SLC14A2: variants seen among roughly 807,000 people sequenced by gnomAD.
SLC14A2 encodes solute carrier family 14 member 2.
In SLC14A2, 91 loss-of-function variants were observed where a neutral mutation model predicts 104.6. That is an observed-to-expected ratio of 0.87 (90% CI 0.73 to 1.04). The LOEUF is 1.04. Ranked by LOEUF, SLC14A2 falls within the 50% of genes least tolerant of loss-of-function variation. The pLI is 0.00. For missense variants in SLC14A2, 1,189 were observed against 1,156.0 expected (o/e 1.03, Z -0.41); for synonymous variants, 476 against 466.4 (o/e 1.02, Z -0.27).
In SLC14A2 at chr18:45,415,229, A is replaced by G. The variant is rs575599967; in HGVS notation, c.-124-68004A>G. ...TAGTTACTCTTTACTGCAGACTAGT[A>G]AAGAAACATGCTTTGGATCAGAATT... On this transcript the variant is annotated intron_variant, in intron 1 of 20. Coordinates refer to the SLC14A2 transcript ENST00000586448. 4.6e-5 allele frequency among the ~76,000 whole-genome samples: 7 copies of G among 152,250 alleles called. No individual in the cohort carries two copies. The South Asian group carries it at 1.2e-3, about 27-fold the overall frequency.
intron 2 of SLC14A2, among the ~76,000 whole-genome samples, chr18:45,550,535 TGC>T (rs1598993397): frequency 6.6e-6 from 1 of 152,338 alleles, no homozygotes; most frequent in East Asian, 1.9e-4. Context: ...CCCCAGAACC[TGC>T]CTGTGTGCCT....
intron 1 of SLC14A2, among the ~76,000 whole-genome samples, chr18:45,326,223 A>G (rs781771298): frequency 6.6e-6 from 1 of 152,200 alleles, no homozygotes; most frequent in African/African-American, 2.4e-5. Context: ...TCCAAAATAT[A>G]CATATGAGTA....
intron 1 of SLC14A2, among the ~76,000 whole-genome samples, chr18:45,350,099 T>C (rs573710314): frequency 2.6e-5 from 4 of 152,226 alleles, no homozygotes; most frequent in Non-Finnish European, 4.4e-5. Flanking sequence ...CACAGACCCT[T>C]GAGCATGGTC....
At chr18:45,350,240 G>A (rs930099207) in intron 1 of SLC14A2, among the ~76,000 whole-genome samples, 14 of 152,208 alleles carry the variant, frequency 9.2e-5, no homozygotes, top group African/African-American at 3.1e-4. Flanking sequence ...GTGAATAAAT[G>A]TCGTTAAAAA....
At chr18:45,543,071 C>T (rs2043914690) in intron 2 of SLC14A2, among the ~76,000 whole-genome samples, 1 of 151,980 alleles carries the variant, frequency 6.6e-6, no homozygotes, top group Non-Finnish European at 1.5e-5. Context: ...GCCTCAGCCT[C>T]CCGAGTAGCT....
chr18:45,605,043 C>T (rs75505564), intron 2 of SLC14A2, among the ~76,000 whole-genome samples: 13,954 of 152,128 alleles, frequency 0.092, 861 homozygotes, highest in African/African-American at 0.17. Context: ...CACTCTTCCC[C>T]GCAGTGATCA....
intron 1 of SLC14A2, among the ~76,000 whole-genome samples, chr18:45,320,367 G>A (rs1298913645): frequency 2.0e-5 from 3 of 152,184 alleles, no homozygotes; most frequent in Non-Finnish European, 2.9e-5. Flanking sequence ...CGACTTTCAT[G>A]TAGTCCAATC....
intron 2 of SLC14A2, among the ~76,000 whole-genome samples, chr18:45,513,546 C>G (rs1374564068): frequency 1.3e-5 from 2 of 152,144 alleles, no homozygotes; most frequent in African/African-American, 4.8e-5. Context: ...GCCAATAGGA[C>G]TGTAATCAGA....
intron 2 of SLC14A2, among the ~76,000 whole-genome samples, chr18:45,502,012 A>C (rs1230217736): frequency 2.6e-5 from 4 of 152,092 alleles, no homozygotes; most frequent in Admixed American, 1.3e-4. Context: ...TGGATTTTTC[A>C]CAGGGCTTAG....
At chr18:45,265,433 CAAGGTCCTCT>C (rs1201922623) in intron 1 of SLC14A2, among the ~76,000 whole-genome samples, 2 of 152,268 alleles carry the variant, frequency 1.3e-5, no homozygotes, top group South Asian at 2.1e-4. Context: ...AAGTTGGAAA[CAAGGTCCTCT>C]AAGGTCCTTT....
intron 6 of SLC14A2, among the ~76,000 whole-genome samples, chr18:45,637,738 G>A (rs564436648): frequency 3.9e-5 from 6 of 152,130 alleles, no homozygotes; most frequent in South Asian, 4.1e-4. Flanking sequence ...TCCCCAGCAC[G>A]CTGCTCCCAG....
chr18:45,570,756 C>A (rs1346492170), intron 2 of SLC14A2, among the ~76,000 whole-genome samples: 2 of 152,198 alleles, frequency 1.3e-5, no homozygotes, highest in Non-Finnish European at 1.5e-5. Flanking sequence ...TGAAATGAGA[C>A]AAGGAGAGTG....
At chr18:45,489,112 A>G (rs1442849128) in intron 2 of SLC14A2, among the ~76,000 whole-genome samples, 1 of 152,248 alleles carries the variant, frequency 6.6e-6, no homozygotes, top group African/African-American at 2.4e-5. Flanking sequence ...GGTGAGAAAC[A>G]TCATTGCCTT....
chr18:45,523,247 T>C (rs2043541988), intron 2 of SLC14A2, among the ~76,000 whole-genome samples: 1 of 152,044 alleles, frequency 6.6e-6, no homozygotes, highest in Non-Finnish European at 1.5e-5. Flanking sequence ...GCCAGACACC[T>C]TGAGATGTGG....
chr18:45,169,987 C>T, the SLC14A2 span, among the ~76,000 whole-genome samples: 1 of 152,064 alleles, frequency 6.6e-6, no homozygotes, highest in African/African-American at 2.4e-5. Context: ...CAAAATGCCA[C>T]CTGAGGTTAG....
intron 1 of SLC14A2, among the ~76,000 whole-genome samples, chr18:45,325,049 A>T (rs1213820316): frequency 6.6e-6 from 1 of 152,150 alleles, no homozygotes; most frequent in African/African-American, 2.4e-5. Context: ...AGCCAGCCAG[A>T]TGAGGCCGTG....
chr18:45,215,316 C>T (rs2084000363), intron 1 of SLC14A2, among the ~76,000 whole-genome samples: 1 of 152,088 alleles, frequency 6.6e-6, no homozygotes, highest in Admixed American at 6.5e-5. Flanking sequence ...AAAAGTCAGC[C>T]CTGTTAAGTT....
chr18:45,645,389 A>G (rs2045601978), intron 10 of SLC14A2, among the ~76,000 whole-genome samples: 1 of 152,078 alleles, frequency 6.6e-6, no homozygotes, highest in East Asian at 1.9e-4. Flanking sequence ...TCAAACCAGC[A>G]TCTCTAAGCA....
At chr18:45,287,994 G>T (rs1400487535) in intron 1 of SLC14A2, among the ~76,000 whole-genome samples, 1 of 152,164 alleles carries the variant, frequency 6.6e-6, no homozygotes, top group Non-Finnish European at 1.5e-5. Flanking sequence ...CTGCCCAGTG[G>T]CTTTGAGCAA....
Sources: gnomAD v4.1 joint callset for allele counts (sites outside exome capture counted in the v4.1 genomes callset) on GRCh38, gnomAD v4.1.1 for gene constraint, MANE v1.5 for transcripts, NCBI Gene and HGNC (gene_info 2026-07-23, HGNC 2026-07-21) for gene names.